Variants in LRRC4C observed in about 807,000 individuals in gnomAD.
The protein encoded by LRRC4C is leucine-rich repeat-containing protein 4C.
In LRRC4C, 5 loss-of-function variants were observed where a neutral mutation model predicts 33.6. That is an observed-to-expected ratio of 0.15 (90% CI 0.08 to 0.31). LRRC4C has a LOEUF of 0.31. Ranked by LOEUF, LRRC4C falls within the 10% of genes least tolerant of loss-of-function variation. The pLI, the probability that LRRC4C is intolerant of heterozygous loss-of-function variation, is 1.00. For synonymous variants in LRRC4C, 329 were observed against 302.0 expected (o/e 1.09, Z -0.93); for missense variants, 560 against 796.7 (o/e 0.70, Z 3.58).
intron 3 of LRRC4C, among the ~76,000 whole-genome samples, chr11:40,399,369 T>G (rs1949670981): frequency 6.6e-6 from 1 of 152,120 alleles, no homozygotes; most frequent in Non-Finnish European, 1.5e-5. Context: ...AATGATGAGT[T>G]CATGTCCTTT....
intron 1 of LRRC4C, among the ~76,000 whole-genome samples, chr11:41,336,521 T>A (rs987298679): frequency 7.9e-5 from 12 of 152,096 alleles, no homozygotes; most frequent in African/African-American, 2.9e-4. Flanking sequence ...GTTTTACCAA[T>A]GAATTTACAA....
At chr11:40,401,549 TC>T (rs1949760695) in intron 3 of LRRC4C, among the ~76,000 whole-genome samples, 1 of 152,110 alleles carries the variant, frequency 6.6e-6, no homozygotes, top group African/African-American at 2.4e-5. Context: ...TCGATTGCTT[TC>T]TCTGTCAATT....
chr11:40,416,115 C>A (rs1555051627), intron 3 of LRRC4C, among the ~76,000 whole-genome samples: 1 of 152,090 alleles, frequency 6.6e-6, no homozygotes, highest in Non-Finnish European at 1.5e-5. Flanking sequence ...CTGAGAGAGG[C>A]AGAGAAAGAG....
intron 3 of LRRC4C, among the ~76,000 whole-genome samples, chr11:40,353,427 A>G (rs1244603115): frequency 6.6e-6 from 1 of 152,132 alleles, no homozygotes; most frequent in African/African-American, 2.4e-5. Flanking sequence ...ATTTTTAAAA[A>G]TTATTTCAGG....
chr11:40,922,327 G>A (rs770097458), intron 2 of LRRC4C, among the ~76,000 whole-genome samples: 3 of 152,058 alleles, frequency 2.0e-5, no homozygotes, highest in South Asian at 2.1e-4. Context: ...ACTTTTCTTC[G>A]CCCCTGAAGT....
chr11:41,183,282 C>CTA (rs1269650773), intron 1 of LRRC4C, among the ~76,000 whole-genome samples: 1 of 152,130 alleles, frequency 6.6e-6, no homozygotes, highest in African/African-American at 2.4e-5. Flanking sequence ...AGTCCACAGT[C>CTA]TAAAGTCTCA....
intron 1 of LRRC4C, among the ~76,000 whole-genome samples, chr11:41,092,506 G>A (rs749155344): frequency 1.2e-4 from 19 of 152,270 alleles, no homozygotes; most frequent in Middle Eastern, 6.8e-3. Flanking sequence ...TGCATCAAAA[G>A]GCTATAATAT....
intron 4 of LRRC4C, among the ~76,000 whole-genome samples, chr11:40,275,721 A>G (rs1005959474): frequency 6.6e-6 from 1 of 152,198 alleles, no homozygotes; most frequent in Non-Finnish European, 1.5e-5. Flanking sequence ...GGGGTTATCT[A>G]TTAGAAAGAT....
At chr11:41,034,920 T>C (rs1856970723) in intron 1 of LRRC4C, among the ~76,000 whole-genome samples, 1 of 150,538 alleles carries the variant, frequency 6.6e-6, no homozygotes, top group South Asian at 2.1e-4. Flanking sequence ...ATTGTAATTT[T>C]GATTTTTTGG....
chr11:40,262,339 G>A (rs575924668), intron 4 of LRRC4C, among the ~76,000 whole-genome samples: 1 of 152,308 alleles, frequency 6.6e-6, no homozygotes, highest in African/African-American at 2.4e-5. Flanking sequence ...AACAACAGAT[G>A]CTGGAGAGGA....
chr11:40,503,735 C>T (rs778123747), intron 3 of LRRC4C, among the ~76,000 whole-genome samples: 6 of 152,132 alleles, frequency 3.9e-5, no homozygotes, highest in Non-Finnish European at 5.9e-5. Context: ...GAGTTAGGCT[C>T]AGTAGACAGT....
intron 2 of LRRC4C, among the ~76,000 whole-genome samples, 189 bp downstream of exon 2, chr11:40,933,446 T>C (rs543610860): frequency 6.6e-6 from 1 of 152,386 alleles, no homozygotes; most frequent in African/African-American, 2.4e-5. Context: ...CAACGTTTCT[T>C]TCTACTTTTG....
intron 3 of LRRC4C, among the ~76,000 whole-genome samples, chr11:40,571,404 C>T (rs1023422751): frequency 6.6e-6 from 1 of 152,048 alleles, no homozygotes; most frequent in Non-Finnish European, 1.5e-5. Flanking sequence ...TTTTTATGCA[C>T]TGTCATAGAA....
intron 1 of LRRC4C, among the ~76,000 whole-genome samples, chr11:40,946,414 T>G (rs943406731): frequency 1.3e-5 from 2 of 152,198 alleles, no homozygotes; most frequent in African/African-American, 4.8e-5. Context: ...ATGTATCTTT[T>G]TAGTAGAACA....
Position 40,799,769 on chromosome 11 carries a change from G to A in LRRC4C, c.-407+133866C>T, listed in dbSNP as rs1042214333. 5.9e-5 allele frequency among the ~76,000 whole-genome samples: 9 copies of A among 152,122 alleles called. No individual in the cohort carries two copies. The East Asian group carries it at 1.3e-3, about 23-fold the overall frequency. On this transcript the variant is annotated intron_variant, in intron 2 of 6. Coordinates refer to ENST00000528697, the MANE Select transcript of LRRC4C (RefSeq NM_001258419.2). ...CAGGCATGAGCCACTACATCTGGTC[G>A]TAGTATAGTCACTTACTTTTTGATA...
intron 2 of LRRC4C, among the ~76,000 whole-genome samples, chr11:40,794,912 A>T (rs1185230435): frequency 6.6e-6 from 1 of 152,170 alleles, no homozygotes; most frequent in East Asian, 1.9e-4. Flanking sequence ...CACAAGAATG[A>T]TATATTGAGT....
At chr11:41,252,994 G>A (rs1315712807) in intron 1 of LRRC4C, among the ~76,000 whole-genome samples, 1 of 152,128 alleles carries the variant, frequency 6.6e-6, no homozygotes, top group Non-Finnish European at 1.5e-5. Flanking sequence ...CTTGGATGGG[G>A]ACACAGCCAA....
At chr11:40,352,150 C>T (rs1427720486) in intron 3 of LRRC4C, among the ~76,000 whole-genome samples, 1 of 141,652 alleles carries the variant, frequency 7.1e-6, no homozygotes, top group African/African-American at 2.6e-5. Flanking sequence ...TTCCTTCCTT[C>T]CTTCCTTCCT....
chr11:41,385,778 G>A (rs1382332777), intron 1 of LRRC4C, among the ~76,000 whole-genome samples: 1 of 151,450 alleles, frequency 6.6e-6, no homozygotes, highest in South Asian at 2.1e-4. Flanking sequence ...CAAAAGAAAC[G>A]TCCAATAGGG....
Sources: allele counts gnomAD v4.1 joint callset (sites outside exome capture counted in the v4.1 genomes callset), GRCh38; gene constraint gnomAD v4.1.1; transcripts MANE v1.5; gene names NCBI Gene and HGNC (gene_info 2026-07-23, HGNC 2026-07-21).